Variants in MIS18A observed in about 807,000 individuals in gnomAD.
The protein encoded by MIS18A is MIS18 kinetochore protein A, also known as protein Mis18-alpha.
Under a neutral mutation model 25.0 loss-of-function variants are expected in MIS18A, and 14 were observed. The observed-to-expected ratio is 0.56, with a 90% CI of 0.37 to 0.88. The LOEUF (loss-of-function observed/expected upper bound fraction) is 0.88, where lower values mean the gene tolerates loss of function less well. MIS18A is among the 40% of genes least tolerant of loss of function. MIS18A has a pLI of 0.00. For missense variants in MIS18A, 292 were observed against 290.8 expected, an observed-to-expected ratio of 1.00 and a Z score of -0.03; for synonymous variants, 134 against 118.6, an observed-to-expected ratio of 1.13 and a Z score of -0.84.
At chr21:32,163,537 G>A in the MIS18A span, among the ~76,000 whole-genome samples, 1 of 152,148 alleles carries the variant, frequency 6.6e-6, no homozygotes, top group Non-Finnish European at 1.5e-5. Flanking sequence ...ATCAGCATCC[G>A]CAAAATGACT....
At chr21:32,241,277 C>G in the MIS18A span, among the ~76,000 whole-genome samples, 1 of 151,396 alleles carries the variant, frequency 6.6e-6, no homozygotes, top group East Asian at 2.0e-4. Context: ...ACTTCAAATT[C>G]TTTTCCATCC....
chr21:32,259,477 C>G, the MIS18A span, among the ~76,000 whole-genome samples: 4 of 152,186 alleles, frequency 2.6e-5, no homozygotes, highest in Non-Finnish European at 5.9e-5. Context: ...CAGCCCACTC[C>G]CTGACACCTT....
At chr21:32,215,249 C>T in the MIS18A span, among the ~76,000 whole-genome samples, 2 of 152,304 alleles carry the variant, frequency 1.3e-5, no homozygotes, top group Admixed American at 6.5e-5. Flanking sequence ...CTCAGGCTTG[C>T]CCTCTCTCCC....
chr21:32,260,133 G>A, the MIS18A span: 1 of 133,428 alleles, frequency 7.5e-6, no homozygotes. Flanking sequence ...GGTCTACAAA[G>A]TATGAATTGC....
the MIS18A span, among the ~76,000 whole-genome samples, chr21:32,245,109 A>T: frequency 6.6e-6 from 1 of 152,220 alleles, no homozygotes; most frequent in African/African-American, 2.4e-5. Flanking sequence ...TGATTAATTG[A>T]TCATTGACTT....
chr21:32,274,838 T>C lies in MIS18A; in HGVS notation c.393A>G (p.Glu131=), dbSNP rs763145932. ...AATACAGTTTTACTCACCAACCATT[T>C]TCCTTTTCACGTTTGGATAGCTTCT... ...KEQKLSKREK[E]NGCVLETLCC... is the part of the protein sequence containing the mutation. Residue 131 remains glutamate, a synonymous_variant, in exon 2 of 5, where the codon GAA becomes GAG. Transcript: ENST00000290130. The C allele has an allele frequency of 6.2e-7, 1 of 1,611,758 alleles. No homozygotes were observed. The highest frequency in any genetic ancestry group is 8.5e-7 in the Non-Finnish European group (1 of 1,178,274).
At chr21:32,197,421 G>A in the MIS18A span, among the ~76,000 whole-genome samples, 4 of 152,074 alleles carry the variant, frequency 2.6e-5, no homozygotes, top group Non-Finnish European at 4.4e-5. Flanking sequence ...TTGAATCTCC[G>A]CATCTGACCA....
chr21:32,224,465 G>T, the MIS18A span, among the ~76,000 whole-genome samples: 3 of 150,778 alleles, frequency 2.0e-5, no homozygotes, highest in Non-Finnish European at 4.4e-5. Flanking sequence ...AAAATCACAA[G>T]CATTCTTATA....
At chr21:32,191,099 T>C in the MIS18A span, among the ~76,000 whole-genome samples, 3 of 152,340 alleles carry the variant, frequency 2.0e-5, no homozygotes, top group East Asian at 5.8e-4. Context: ...CCATCTCTTG[T>C]TCATGGCTGC....
the MIS18A span, among the ~76,000 whole-genome samples, chr21:32,179,527 G>A: frequency 2.6e-5 from 4 of 152,178 alleles, no homozygotes; most frequent in Admixed American, 6.5e-5. Flanking sequence ...CAGGGTAACC[G>A]CCAGTTGCAG....
the MIS18A span, among the ~76,000 whole-genome samples, chr21:32,172,593 CTTT>C: frequency 6.8e-6 from 1 of 146,416 alleles, no homozygotes; most frequent in Non-Finnish European, 1.5e-5. Flanking sequence ...TTTTCCTTTC[CTTT>C]TTTTTTTTTA....
At chr21:32,225,024 G>A in the MIS18A span, among the ~76,000 whole-genome samples, 6 of 141,436 alleles carry the variant, frequency 4.2e-5, no homozygotes, top group Admixed American at 4.3e-4. Context: ...AACAAGCAGT[G>A]GGGAAAGGAT....
the MIS18A span, among the ~76,000 whole-genome samples, chr21:32,239,124 TTTC>T: frequency 1.3e-5 from 2 of 152,248 alleles, no homozygotes; most frequent in Non-Finnish European, 2.9e-5. Flanking sequence ...AGTAACTTAT[TTTC>T]TTCTTAACAT....
At chr21:32,250,228 A>C in the MIS18A span, among the ~76,000 whole-genome samples, 2 of 152,174 alleles carry the variant, frequency 1.3e-5, no homozygotes, top group Admixed American at 6.5e-5. Context: ...CTAATTATAA[A>C]AGACGCACTT....
the MIS18A span, among the ~76,000 whole-genome samples, chr21:32,233,807 T>A: frequency 6.6e-6 from 1 of 152,142 alleles, no homozygotes; most frequent in South Asian, 2.1e-4. Context: ...CCCCTGGCCA[T>A]GGCAAATTGA....
the MIS18A span, among the ~76,000 whole-genome samples, chr21:32,212,681 A>G: frequency 2.0e-5 from 3 of 152,192 alleles, no homozygotes; most frequent in Non-Finnish European, 4.4e-5. Context: ...ACCTTGAATT[A>G]TAATAATCCC....
chr21:32,205,919 G>T, the MIS18A span, among the ~76,000 whole-genome samples: 1 of 149,340 alleles, frequency 6.7e-6, no homozygotes, highest in Admixed American at 6.6e-5. Flanking sequence ...GGATAGGGGG[G>T]TTTGAGAGAC....
the MIS18A span, among the ~76,000 whole-genome samples, chr21:32,160,508 T>C: frequency 6.6e-6 from 1 of 151,966 alleles, no homozygotes; most frequent in African/African-American, 2.4e-5. Context: ...AGAGCACAGT[T>C]TGGTTTTATA....
At chr21:32,181,644 C>A in the MIS18A span, among the ~76,000 whole-genome samples, 4 of 152,098 alleles carry the variant, frequency 2.6e-5, no homozygotes, top group Admixed American at 2.0e-4. Context: ...AATGGGAACA[C>A]CAGGTCCTGG....
Sources: allele counts gnomAD v4.1 joint callset (sites outside exome capture counted in the v4.1 genomes callset), GRCh38; gene constraint gnomAD v4.1.1; transcripts MANE v1.5; gene names NCBI Gene and HGNC (gene_info 2026-07-23, HGNC 2026-07-21).